Variants in RCSD1 observed in about 807,000 individuals in gnomAD.
RCSD1 encodes the protein capZ-interacting protein.
Under a neutral mutation model 42.5 loss-of-function variants are expected in RCSD1, and 26 were observed. The observed-to-expected ratio is 0.61, with a 90% CI of 0.45 to 0.85. The LOEUF is 0.85. Among genes scored for constraint, RCSD1 ranks in the 40% least tolerant of loss-of-function variants. RCSD1 has a pLI of 0.00. For missense variants in RCSD1, 571 were observed against 528.3 expected (o/e 1.08, Z -0.79); for synonymous variants, 220 against 212.2 (o/e 1.04, Z -0.32).
intron 4 of RCSD1, 35 bp downstream of exon 4, chr1:167,690,155 T>C (rs1183977614): frequency 1.2e-6 from 2 of 1,600,462 alleles, no homozygotes; most frequent in Non-Finnish European, 1.7e-6. Flanking sequence ...TGCTACCTTT[T>C]ATCTAACTCC....
Position 167,646,857 on chromosome 1 carries a change from C to T in RCSD1, c.6+16428C>T, listed in dbSNP as rs532469022. On this transcript the variant is annotated intron_variant, in intron 1 of 6. Transcript: ENST00000367854. ...GTAGAGAAGCAGGTAGAGGCCACTG[C>T]GGTGGCTCATGCCTGTAATCCCAGC... is the stretch of plus-strand genomic sequence containing the variant. 3.2e-4 allele frequency among the ~76,000 whole-genome samples: 48 copies of T among 152,284 alleles called. No homozygotes were observed. The East Asian group carries it at 3.5e-3, about 11-fold the overall frequency.
In RCSD1 at chr1:167,684,004, G is replaced by A. The variant is rs771363319; in HGVS notation, c.108+3G>A. On this transcript the variant is annotated splice_donor_region_variant and intron_variant, in intron 2 of 6. Coordinates refer to ENST00000367854, the MANE Select transcript of RCSD1 (RefSeq NM_052862.4). ...AGCAGGCGGCTGCAGCCAAGGAGGT[G>A]AGTCAGGCCGCTTCAGAGCAGCCTC... 1.2e-6 allele frequency: 2 copies of A among 1,611,596 alleles called. No homozygotes were observed. Among genetic ancestry groups the A allele is most frequent in the Non-Finnish European group, 1.7e-6 (2 of 1,179,244 alleles).
At chr1:167,660,898 T>C (rs2102213903) in intron 1 of RCSD1, among the ~76,000 whole-genome samples, 1 of 152,312 alleles carries the variant, frequency 6.6e-6, no homozygotes, top group South Asian at 2.1e-4. Flanking sequence ...TGGTTGATTG[T>C]TTTTTATTTT....
At chr1:167,701,252 G>C (rs112919447) in intron 6 of RCSD1, among the ~76,000 whole-genome samples, 21 of 96,140 alleles carry the variant, frequency 2.2e-4, no homozygotes, top group African/African-American at 6.6e-4. Flanking sequence ...CAATTGCCTA[G>C]TTTCTTTCTT....
At chr1:167,672,004 T>A (rs1222252377) in intron 1 of RCSD1, among the ~76,000 whole-genome samples, 1 of 152,180 alleles carries the variant, frequency 6.6e-6, no homozygotes, top group Non-Finnish European at 1.5e-5. Flanking sequence ...CTGGCCAGGT[T>A]GTGTGCTCCT....
chr1:167,665,776 A>G (rs1232997725), intron 1 of RCSD1, among the ~76,000 whole-genome samples: 1 of 149,142 alleles, frequency 6.7e-6, no homozygotes, highest in Non-Finnish European at 1.5e-5. Context: ...TCCTTTGCCC[A>G]TTTTTACTAT....
chr1:167,684,859 A>C (rs1659185855), intron 2 of RCSD1, among the ~76,000 whole-genome samples: 1 of 152,148 alleles, frequency 6.6e-6, no homozygotes, highest in Non-Finnish European at 1.5e-5. Flanking sequence ...GGGCAACAAG[A>C]GCGAAACTCA....
intron 1 of RCSD1, chr1:167,641,409 C>G (rs183420342): frequency 9.9e-5 from 15 of 152,266 alleles, no homozygotes; most frequent in African/African-American, 3.6e-4. Flanking sequence ...CAAGACGCTA[C>G]CAAATGCAAA....
intron 1 of RCSD1, among the ~76,000 whole-genome samples, chr1:167,635,518 T>G (rs1384417551): frequency 1.3e-5 from 2 of 152,144 alleles, no homozygotes; most frequent in African/African-American, 4.8e-5. Flanking sequence ...GCAGCGTGGC[T>G]CCTCACAGCA....
intron 6 of RCSD1, among the ~76,000 whole-genome samples, chr1:167,698,813 G>GTT (rs901640174): frequency 3.3e-5 from 5 of 151,220 alleles, no homozygotes; most frequent in South Asian, 2.1e-4. Context: ...TTTTGTTTTT[G>GTT]TTTTGAGAAG....
chr1:167,663,384 C>G (rs1240667174), intron 1 of RCSD1: 1 of 150,614 alleles, frequency 6.6e-6, no homozygotes, highest in Non-Finnish European at 1.5e-5. Context: ...CTTTATGGCC[C>G]CTTCATACCA....
Position 167,639,951 on chromosome 1 carries a change from G to A in RCSD1, c.6+9522G>A, listed in dbSNP as rs1297802925. On this transcript the variant is annotated intron_variant, in intron 1 of 6. Coordinates refer to ENST00000367854, the MANE Select transcript of RCSD1 (RefSeq NM_052862.4). Reference sequence around the variant, plus strand: ...GGAGCCCCTTGGCCCCTGTTGTCCAGTCATGCCTGAATCCCCTCACAAAGG... The same window carrying A: ...GGAGCCCCTTGGCCCCTGTTGTCCAATCATGCCTGAATCCCCTCACAAAGG... Among the ~76,000 whole-genome samples, 6 of 152,254 alleles carry A rather than the reference G, an allele frequency of 3.9e-5. No individual in the cohort carries two copies. In the South Asian group the frequency reaches 1.2e-3, roughly 31 times the overall value.
Position 167,630,420 on chromosome 1 carries a change from G to A in RCSD1, c.-4G>A. The A allele has an allele frequency of 6.5e-7, 1 of 1,536,754 alleles. No homozygotes were observed. The highest frequency in any genetic ancestry group is 8.8e-7 in the Non-Finnish European group (1 of 1,139,448). The stretch of plus-strand genomic sequence containing the variant: ...GTCTGCCGCAGAGTCGGCACCTGAA[G>A]GACATGGAGGTAAAGGACCCCGGAG... On this transcript the variant is annotated 5_prime_UTR_variant, in exon 1 of 7. Transcript: ENST00000367854.
chr1:167,644,178 T>C (rs1323712197), intron 1 of RCSD1, among the ~76,000 whole-genome samples: 3 of 152,114 alleles, frequency 2.0e-5, no homozygotes, highest in Non-Finnish European at 4.4e-5. Flanking sequence ...TCAGTCTCCT[T>C]GGCTCAAGAA....
chr1:167,649,437 G>A (rs1008673759), intron 1 of RCSD1, among the ~76,000 whole-genome samples: 4 of 152,172 alleles, frequency 2.6e-5, no homozygotes, highest in South Asian at 4.1e-4. Context: ...CGCCTAAAAC[G>A]GAATATGTAT....
chr1:167,642,492 T>C (rs956690721), intron 1 of RCSD1, among the ~76,000 whole-genome samples: 28 of 152,168 alleles, frequency 1.8e-4, no homozygotes, highest in African/African-American at 6.8e-4. Flanking sequence ...GGCAAGTAGG[T>C]TTGAACGAGA....
At chr1:167,643,037 C>G (rs1055910325) in intron 1 of RCSD1, among the ~76,000 whole-genome samples, 1 of 152,190 alleles carries the variant, frequency 6.6e-6, no homozygotes, top group African/African-American at 2.4e-5. Flanking sequence ...GGTCAGTTAC[C>G]AGCCTCAGGA....
chr1:167,639,900 C>T lies in RCSD1; in HGVS notation c.6+9471C>T, dbSNP rs911529407. Among the ~76,000 whole-genome samples, 13 of 152,348 alleles carry T rather than the reference C, an allele frequency of 8.5e-5. 1 individual carries two copies. The South Asian group carries it at 1.9e-3, about 22-fold the overall frequency. ...CTTGTTCTACTAGGCTTACTTTCTC[C>T]GATGCCCTCAAGGGGTCTTTCTGGG... On this transcript the variant is annotated intron_variant, in intron 1 of 6. Coordinates refer to ENST00000367854, the MANE Select transcript of RCSD1 (RefSeq NM_052862.4).
chr1:167,648,652 C>A (rs142544770), intron 1 of RCSD1, among the ~76,000 whole-genome samples: 99 of 152,276 alleles, frequency 6.5e-4, no homozygotes, highest in African/African-American at 2.3e-3. Flanking sequence ...TGGTAGTTCC[C>A]GCTGGAGCAG....
Sources: allele counts gnomAD v4.1 joint callset (sites outside exome capture counted in the v4.1 genomes callset), GRCh38; gene constraint gnomAD v4.1.1; transcripts MANE v1.5; gene names NCBI Gene and HGNC (gene_info 2026-07-23, HGNC 2026-07-21).